VSTM2B: variants seen among roughly 807,000 people sequenced by gnomAD.
VSTM2B encodes V-set and transmembrane domain containing 2B.
Under a neutral mutation model 24.0 loss-of-function variants are expected in VSTM2B, and 24 were observed. The observed-to-expected ratio is 1.00, with a 90% confidence interval of 0.72 to 1.40. VSTM2B has a LOEUF of 1.40. Among genes scored for constraint, VSTM2B ranks in the 40% most tolerant of loss-of-function variants. The pLI is 0.00. For synonymous variants in VSTM2B, 226 were observed against 194.4 expected (o/e 1.16, Z -1.35); for missense variants, 399 against 416.4 (o/e 0.96, Z 0.36).
In VSTM2B at chr19:29,526,247, C is replaced by G. The variant is rs1330039349; in HGVS notation, c.-337C>G. On this transcript the variant is annotated 5_prime_UTR_variant, in exon 1 of 5. Transcript: ENST00000335523. The surrounding 1 kb of genome is among the most constrained non-coding windows in gnomAD (Gnocchi z 4.1). The stretch of plus-strand genomic sequence containing the variant: ...GCCAGGGATGGGTCCCGGCGCGGCC[C>G]AGCCCCTGCCCGGCCCGCCGGGCAG... Among the ~76,000 whole-genome samples, 1 of 151,988 alleles carries G rather than the reference C, an allele frequency of 6.6e-6. No individual in the cohort carries two copies. Among genetic ancestry groups the G allele is most frequent in the Non-Finnish European group, 1.5e-5 (1 of 67,944 alleles).
chr19:29,543,512 G>A (rs114418534), intron 4 of VSTM2B, among the ~76,000 whole-genome samples: 1,620 of 152,350 alleles, frequency 0.011, 27 homozygotes, highest in African/African-American at 0.037. Context: ...TGCATGTGCT[G>A]GCTGGAGGGA....
At chr19:29,552,417 T>A (rs980823966) in intron 4 of VSTM2B, among the ~76,000 whole-genome samples, 3 of 152,150 alleles carry the variant, frequency 2.0e-5, no homozygotes, top group Non-Finnish European at 4.4e-5. Context: ...GCAAGACCCA[T>A]GGAGAGCAAG....
chr19:29,534,753 A>G (rs10419904), intron 4 of VSTM2B, among the ~76,000 whole-genome samples: 8,059 of 151,994 alleles, frequency 0.053, 739 homozygotes, highest in African/African-American at 0.18. Flanking sequence ...AAAAGAAAAG[A>G]AAGAGGCTCA....
chr19:29,550,761 G>A (rs149834814), intron 4 of VSTM2B, among the ~76,000 whole-genome samples: 1 of 151,608 alleles, frequency 6.6e-6, no homozygotes, highest in Non-Finnish European at 1.5e-5. Flanking sequence ...AGACCAGCCT[G>A]TTGTCCATTT....
At position 29,564,171 on chromosome 19, in the gene VSTM2B, A is replaced by C; in HGVS notation, c.*237A>C. ...CATGCAGTCTGCATGGGAATCAATGATTTCTCTACTTCAATGTAGTTTTCT... is the reference window on the plus strand; with the variant it reads ...CATGCAGTCTGCATGGGAATCAATGCTTTCTCTACTTCAATGTAGTTTTCT... On this transcript the variant is annotated 3_prime_UTR_variant, in exon 5 of 5. Transcript: ENST00000335523. 1 of 443,646 alleles carries C rather than the reference A, an allele frequency of 2.3e-6. No homozygotes were observed. 27.5% of individuals were successfully genotyped at this position (443,646 alleles called of 1,614,324 possible).
chr19:29,531,123 T>C (rs1969748695), intron 4 of VSTM2B, among the ~76,000 whole-genome samples: 1 of 150,058 alleles, frequency 6.7e-6, no homozygotes, highest in African/African-American at 2.5e-5. Flanking sequence ...TGGGGGGCGG[T>C]TATGGAGGGT....
At chr19:29,561,817 C>A (rs999675682) in intron 4 of VSTM2B, among the ~76,000 whole-genome samples, 1 of 152,186 alleles carries the variant, frequency 6.6e-6, no homozygotes, top group Non-Finnish European at 1.5e-5. Flanking sequence ...ATCCGCCTGT[C>A]GTCCTTCCCA....
Position 29,539,013 on chromosome 19 carries a change from G to A in VSTM2B, c.769+8723G>A, listed in dbSNP as rs151110815. On this transcript the variant is annotated intron_variant, in intron 4 of 4. Transcript: ENST00000335523. ...AGGGCCATCAGATTGCAAATGGCTC[G>A]GAGAGTTGCTGTTTTTGTAAGTTCT... Among the ~76,000 whole-genome samples the A allele has an allele frequency of 3.7e-3, 560 of 152,220 alleles. 12 individuals carry two copies. The highest frequency in any genetic ancestry group is 0.033 in the Admixed American group (510 of 15,296).
chr19:29,538,280 C>A (rs532645848), intron 4 of VSTM2B, among the ~76,000 whole-genome samples: 1 of 152,202 alleles, frequency 6.6e-6, no homozygotes, highest in Non-Finnish European at 1.5e-5. Context: ...ATCATCAGCA[C>A]GACACCGATT....
At chr19:29,532,421 G>T (rs995331911) in intron 4 of VSTM2B, among the ~76,000 whole-genome samples, 2 of 152,178 alleles carry the variant, frequency 1.3e-5, no homozygotes, top group African/African-American at 4.8e-5. Flanking sequence ...CTCAGGGAGA[G>T]TTCCTATTGA....
intron 4 of VSTM2B, among the ~76,000 whole-genome samples, chr19:29,560,071 G>T (rs1970492504): frequency 6.6e-6 from 1 of 152,122 alleles, no homozygotes; most frequent in African/African-American, 2.4e-5. Flanking sequence ...GCTGGCCCAG[G>T]CTTGTTCATG....
chr19:29,533,249 T>G (rs1969801420), intron 4 of VSTM2B, among the ~76,000 whole-genome samples: 2 of 152,314 alleles, frequency 1.3e-5, no homozygotes, highest in South Asian at 2.1e-4. Context: ...TTAATGCCCA[T>G]GTGGGTCACT....
chr19:29,546,192 A>C (rs550089642), intron 4 of VSTM2B, among the ~76,000 whole-genome samples: 2 of 152,292 alleles, frequency 1.3e-5, no homozygotes, highest in East Asian at 3.9e-4. Flanking sequence ...AGCAAAGGGA[A>C]CAGACTGAGC....
chr19:29,551,406 G>C (rs1010955173), intron 4 of VSTM2B, among the ~76,000 whole-genome samples: 1 of 151,746 alleles, frequency 6.6e-6, no homozygotes, highest in Non-Finnish European at 1.5e-5. Flanking sequence ...AAATTGAAAT[G>C]AGGAATTTCC....
intron 2 of VSTM2B, among the ~76,000 whole-genome samples, chr19:29,527,774 G>A (rs951313654): frequency 2.6e-5 from 4 of 152,114 alleles, no homozygotes; most frequent in East Asian, 1.9e-4. Flanking sequence ...AGGACCCCAG[G>A]GCTCCCACGG....
At chr19:29,535,616 G>A (rs1969870294) in intron 4 of VSTM2B, among the ~76,000 whole-genome samples, 1 of 152,218 alleles carries the variant, frequency 6.6e-6, no homozygotes, top group African/African-American at 2.4e-5. Context: ...CCGTCAAAGG[G>A]GAGCATCCGC....
chr19:29,535,780 G>T (rs1969875245), intron 4 of VSTM2B, among the ~76,000 whole-genome samples: 1 of 152,106 alleles, frequency 6.6e-6, no homozygotes, highest in African/African-American at 2.4e-5. Context: ...AGAGTCACCA[G>T]CAGTACCAGC....
At chr19:29,555,604 A>C (rs1479215099) in intron 4 of VSTM2B, among the ~76,000 whole-genome samples, 1 of 152,150 alleles carries the variant, frequency 6.6e-6, no homozygotes, top group Non-Finnish European at 1.5e-5. Context: ...TCCTTCAAAA[A>C]ATTAATGAAT....
chr19:29,562,163 C>A (rs1379606649), intron 4 of VSTM2B, among the ~76,000 whole-genome samples: 1 of 152,210 alleles, frequency 6.6e-6, no homozygotes, highest in Non-Finnish European at 1.5e-5. Context: ...AGGTGGAATC[C>A]TGGACTTTCA....
Sources: allele counts gnomAD v4.1 joint callset (sites outside exome capture counted in the v4.1 genomes callset), GRCh38; gene constraint gnomAD v4.1.1; non-coding constraint Gnocchi (gnomAD v3.1); transcripts MANE v1.5; gene names NCBI Gene and HGNC (gene_info 2026-07-23, HGNC 2026-07-21).